EPB41L3: variants seen among roughly 807,000 people sequenced by gnomAD.
EPB41L3 encodes the protein erythrocyte membrane protein band 4.1 like 3, also known as band 4.1-like protein 3.
A neutral mutation model predicts 127.1 loss-of-function variants in EPB41L3; 57 were observed. The ratio of observed to expected loss-of-function variants is 0.45; its 90% CI spans 0.36 to 0.56. The LOEUF (loss-of-function observed/expected upper bound fraction) is 0.56, where lower values mean the gene tolerates loss of function less well. Ranked by LOEUF, EPB41L3 falls within the 20% of genes least tolerant of loss-of-function variation. EPB41L3 has a pLI of 0.00. For synonymous variants in EPB41L3, 572 were observed against 549.5 expected (o/e 1.04, Z -0.57); for missense variants, 1,273 against 1,372.2 (o/e 0.93, Z 1.14).
intron 1 of EPB41L3, among the ~76,000 whole-genome samples, chr18:5,535,637 C>T (rs28591481): frequency 0.01 from 1,547 of 152,228 alleles, 24 homozygotes; most frequent in African/African-American, 0.035. Flanking sequence ...CTAGATGCCC[C>T]GATGGCATCA....
chr18:5,427,436 A>G (rs2078346031), intron 9 of EPB41L3, among the ~76,000 whole-genome samples: 1 of 152,210 alleles, frequency 6.6e-6, no homozygotes, highest in Non-Finnish European at 1.5e-5. Context: ...TAAGTTGATC[A>G]TGGAGGCTGT....
upstream of EPB41L3, among the ~76,000 whole-genome samples, chr18:5,549,111 C>T (rs559982085): frequency 2.6e-5 from 4 of 152,338 alleles, no homozygotes; most frequent in East Asian, 7.7e-4. Context: ...GCTATCTCCT[C>T]TTTAGGAAAA....
At chr18:5,622,582 G>T (rs1430589946) in intron 1 of EPB41L3, among the ~76,000 whole-genome samples, 2 of 151,950 alleles carry the variant, frequency 1.3e-5, no homozygotes, top group Non-Finnish European at 2.9e-5. Flanking sequence ...CAGGCTACAT[G>T]TTTTTTTTAA....
chr18:5,496,411 C>A (rs2091183956), intron 1 of EPB41L3, among the ~76,000 whole-genome samples: 1 of 152,232 alleles, frequency 6.6e-6, no homozygotes, highest in Non-Finnish European at 1.5e-5. Context: ...GCTGATGCCC[C>A]TACTCAAGGA....
chr18:5,501,112 T>C (rs1325496603), intron 1 of EPB41L3, among the ~76,000 whole-genome samples: 1 of 152,168 alleles, frequency 6.6e-6, no homozygotes, highest in African/African-American at 2.4e-5. Flanking sequence ...TGAATAATGT[T>C]TGATCAAATC....
At chr18:5,421,899 T>C (rs7245287) in intron 11 of EPB41L3, among the ~76,000 whole-genome samples, 8,538 of 152,188 alleles carry the variant, frequency 0.056, 687 homozygotes, top group African/African-American at 0.18. Context: ...ACAGGTGCAC[T>C]AAAATCTCAG....
At chr18:5,499,326 C>T (rs2091509381) in intron 1 of EPB41L3, among the ~76,000 whole-genome samples, 1 of 152,196 alleles carries the variant, frequency 6.6e-6, no homozygotes, top group Non-Finnish European at 1.5e-5. Context: ...CTACTCTTCA[C>T]CTCCTATTCC....
intron 3 of EPB41L3, among the ~76,000 whole-genome samples, chr18:5,590,177 T>C (rs79383485): frequency 6.6e-5 from 10 of 152,290 alleles, no homozygotes; most frequent in African/African-American, 2.2e-4. Context: ...TCCCCTTCGC[T>C]TTGGGCTTTC....
At chr18:5,619,170 C>T (rs997654140) in intron 1 of EPB41L3, among the ~76,000 whole-genome samples, 4 of 151,398 alleles carry the variant, frequency 2.6e-5, no homozygotes, top group African/African-American at 9.7e-5. Context: ...GGGGTGGGGG[C>T]AGGGAAGGTG....
chr18:5,509,637 C>G (rs778467197), intron 1 of EPB41L3, among the ~76,000 whole-genome samples: 16 of 152,162 alleles, frequency 1.1e-4, no homozygotes, highest in Non-Finnish European at 2.1e-4. Flanking sequence ...GTTCTGCTTA[C>G]CTTTGCCAAA....
chr18:5,560,995 T>C (rs1318505631), intron 3 of EPB41L3, among the ~76,000 whole-genome samples: 1 of 142,984 alleles, frequency 7.0e-6, no homozygotes, highest in African/African-American at 2.6e-5. Flanking sequence ...TTATTTATTT[T>C]GAGATGGAGT....
rs1350534715 is a variant in EPB41L3 at position 5,395,589 on chromosome 18, T to C, written c.3072+20A>G. ...AGCTCGCTCTCAAGGAATCCTCTTC[T>C]CGGTTCTCACTCCACTTACTTTGGT... On this transcript the variant is annotated intron_variant, in intron 20 of 22. Transcript: ENST00000341928. The C allele has an allele frequency of 1.2e-6, 2 of 1,609,138 alleles. No homozygotes were observed.
chr18:5,448,368 A>T (rs1427824737), intron 3 of EPB41L3, among the ~76,000 whole-genome samples: 2 of 151,504 alleles, frequency 1.3e-5, no homozygotes, highest in African/African-American at 2.4e-5. Context: ...AACCCAGATG[A>T]TTTTTTTTTC....
chr18:5,394,389 G>T, intron 22 of EPB41L3: 1 of 287,184 alleles, frequency 3.5e-6, no homozygotes, highest in Non-Finnish European at 6.6e-6. Context: ...ATCAAAGAGT[G>T]CAGGCCATGG....
chr18:5,425,704 C>A (rs1222702316), intron 9 of EPB41L3, among the ~76,000 whole-genome samples: 1 of 152,176 alleles, frequency 6.6e-6, no homozygotes, highest in Non-Finnish European at 1.5e-5. Context: ...TCACTTTTCT[C>A]AGGCTGTAAA....
intron 16 of EPB41L3, among the ~76,000 whole-genome samples, chr18:5,404,100 C>A (rs535291066): frequency 1.3e-5 from 2 of 152,156 alleles, no homozygotes; most frequent in Non-Finnish European, 2.9e-5. Flanking sequence ...CTATGAGGTC[C>A]TGGAGAAGAG....
upstream of EPB41L3, among the ~76,000 whole-genome samples, chr18:5,546,245 T>C (rs535618900): frequency 3.7e-4 from 57 of 152,308 alleles, no homozygotes; most frequent in Admixed American, 8.5e-4. Context: ...TAGAAATACC[T>C]ATCTAAGCCA....
In EPB41L3 at chr18:5,433,239, G is replaced by A. The variant is rs114160801; in HGVS notation, c.912+230C>T. 4.3e-3 allele frequency among the ~76,000 whole-genome samples: 649 copies of A among 152,270 alleles called. 2 individuals are homozygous for A. The highest frequency in any genetic ancestry group is 0.015 in the African/African-American group (604 of 41,554). On this transcript the variant is annotated intron_variant, in intron 8 of 22. Transcript: ENST00000341928. The stretch of plus-strand genomic sequence containing the variant: ...TTTGCCTATCACGGGCTTTCAGAAG[G>A]CTGTGCCCAGGAGTAATGCAAGTTT...
At chr18:5,398,458 A>G (rs2073956324) in intron 16 of EPB41L3, 4 of 437,230 alleles carry the variant, frequency 9.1e-6, no homozygotes, top group African/African-American at 4.1e-5. Flanking sequence ...AATAAAATGG[A>G]AAGTGTTTTA....
Sources: gnomAD v4.1 joint callset for allele counts (sites outside exome capture counted in the v4.1 genomes callset) on GRCh38, gnomAD v4.1.1 for gene constraint, MANE v1.5 for transcripts, NCBI Gene and HGNC (gene_info 2026-07-23, HGNC 2026-07-21) for gene names.